DLG1: variants seen among roughly 807,000 people sequenced by gnomAD.
DLG1 encodes discs large MAGUK scaffold protein 1, also known as disks large homolog 1.
In DLG1, 42 loss-of-function variants were observed where a neutral mutation model predicts 123.4. The observed-to-expected ratio is 0.34, with a 90% CI of 0.27 to 0.44. DLG1 has a LOEUF of 0.44. Ranked by LOEUF, DLG1 falls within the 20% of genes least tolerant of loss-of-function variation. The pLI, the probability that DLG1 is intolerant of heterozygous loss-of-function variation, is 1.00. For missense variants in DLG1, 942 were observed against 1,082.6 expected, an observed-to-expected ratio of 0.87 and a Z score of 1.82; for synonymous variants, 317 against 356.2, an observed-to-expected ratio of 0.89 and a Z score of 1.24.
At chr3:197,069,556 G>C (rs1219789937) in intron 18 of DLG1, 1 of 213,172 alleles carries the variant, frequency 4.7e-6, no homozygotes, top group Non-Finnish European at 9.1e-6. Context: ...TAGTCCAAAT[G>C]TAGACATAAA....
At chr3:197,093,713 T>C (rs1309685265) in intron 14 of DLG1, among the ~76,000 whole-genome samples, 1 of 152,202 alleles carries the variant, frequency 6.6e-6, no homozygotes, top group Non-Finnish European at 1.5e-5. Flanking sequence ...ACTTTTGATA[T>C]AACTGAAATT....
intron 14 of DLG1, among the ~76,000 whole-genome samples, chr3:197,103,718 T>C (rs1764796038): frequency 6.7e-6 from 1 of 150,320 alleles, no homozygotes; most frequent in Non-Finnish European, 1.5e-5. Flanking sequence ...ACATGCTGCT[T>C]TGATCAGCTA....
intron 13 of DLG1, among the ~76,000 whole-genome samples, chr3:197,111,727 GCAC>G (rs904558003): frequency 2.0e-5 from 3 of 152,168 alleles, no homozygotes; most frequent in Non-Finnish European, 4.4e-5. Context: ...CTGACTTACA[GCAC>G]CACAAGTTAG....
intron 23 of DLG1, among the ~76,000 whole-genome samples, chr3:197,052,522 T>C (rs185168543): frequency 8.3e-4 from 127 of 152,280 alleles, no homozygotes; most frequent in African/African-American, 2.8e-3. Context: ...AGTCACTGAA[T>C]ATGTTGCTGT....
intron 2 of DLG1, 200 bp downstream of exon 2, chr3:197,296,986 G>T: frequency 1.6e-6 from 1 of 612,490 alleles, no homozygotes; most frequent in East Asian, 3.3e-5. Context: ...TTAATCACTA[G>T]AGAAATGTTA....
At chr3:197,297,582 TG>T in intron 1 of DLG1, 2 of 1,031,698 alleles carry the variant, frequency 1.9e-6, no homozygotes, top group Non-Finnish European at 2.3e-6. Context: ...CTCCGACCCT[TG>T]GCCCCTGAGC....
At chr3:197,150,522 T>C (rs944938957) in intron 5 of DLG1, among the ~76,000 whole-genome samples, 2 of 152,114 alleles carry the variant, frequency 1.3e-5, no homozygotes, top group African/African-American at 2.4e-5. Context: ...AAAAATCTGA[T>C]GTAATTCCCC....
chr3:197,139,728 C>T (rs1299379423), intron 8 of DLG1, among the ~76,000 whole-genome samples: 1 of 152,064 alleles, frequency 6.6e-6, no homozygotes, highest in Non-Finnish European at 1.5e-5. Flanking sequence ...AGTTTATATA[C>T]ATGTTTCCCA....
intron 17 of DLG1, 117 bp from the exon 18 acceptor site, chr3:197,076,802 T>C: frequency 7.7e-6 from 4 of 518,944 alleles, no homozygotes; most frequent in Non-Finnish European, 1.4e-5. Flanking sequence ...AGTTTGTATA[T>C]GATTTTTACT....
rs1024437874 is a variant in DLG1 at position 197,296,654 on chromosome 3, T to A, written c.20-177A>T. The A allele has an allele frequency of 6.2e-5, 30 of 486,348 alleles. 1 individual carries two copies. The highest frequency in any genetic ancestry group is 8.3e-5 in the South Asian group (2 of 24,230). The allele number at this position is 486,348 out of a possible 1,614,324, so 30.1% of individuals were successfully genotyped here. A position where few individuals can be genotyped will look rare whatever the true frequency, so the allele number is the denominator to read the frequency against. ...AATGACCAAAAAATAAAAAAAAAAA[T>A]TAAAGAAATACAAGAAAAATTTAAA... On this transcript the variant is annotated intron_variant, in intron 2 of 24. Coordinates refer to ENST00000667157, the MANE Select transcript of DLG1 (RefSeq NM_001366207.1).
chr3:197,108,676 G>C (rs980445240), intron 13 of DLG1, among the ~76,000 whole-genome samples: 15 of 152,078 alleles, frequency 9.9e-5, no homozygotes, highest in African/African-American at 2.7e-4. Context: ...TATTAGTACA[G>C]CCACAGTAGG....
At chr3:197,062,974 G>A (rs535160249) in intron 22 of DLG1, among the ~76,000 whole-genome samples, 1 of 151,872 alleles carries the variant, frequency 6.6e-6, no homozygotes, top group Non-Finnish European at 1.5e-5. Context: ...CATTGTATTA[G>A]TTTATTTGCT....
intron 14 of DLG1, among the ~76,000 whole-genome samples, chr3:197,102,434 CAG>C (rs1465596279): frequency 6.6e-6 from 1 of 152,196 alleles, no homozygotes; most frequent in East Asian, 1.9e-4. Context: ...TGCTGATTAT[CAG>C]AGTGTCGGAT....
At chr3:197,112,848 A>G (rs1770880123) in intron 13 of DLG1, among the ~76,000 whole-genome samples, 1 of 152,162 alleles carries the variant, frequency 6.6e-6, no homozygotes, top group African/African-American at 2.4e-5. Flanking sequence ...CACCTGCCTC[A>G]GCCTCCTGAG....
intron 2 of DLG1, 136 bp from the exon 3 acceptor site, chr3:197,296,613 T>C: frequency 4.2e-6 from 3 of 706,856 alleles, no homozygotes; most frequent in Middle Eastern, 2.7e-4. Context: ...TATGTTCATG[T>C]ACACATATTC....
At chr3:197,095,815 A>G (rs1760336154) in intron 14 of DLG1, among the ~76,000 whole-genome samples, 1 of 152,198 alleles carries the variant, frequency 6.6e-6, no homozygotes, top group South Asian at 2.1e-4. Context: ...ATAATCTGCC[A>G]TTATTATCAC....
At chr3:197,259,217 TA>T (rs2150944139) in intron 4 of DLG1, among the ~76,000 whole-genome samples, 1 of 152,274 alleles carries the variant, frequency 6.6e-6, no homozygotes, top group South Asian at 2.1e-4. Context: ...ATGTGCCCTT[TA>T]AACATTCAGT....
chr3:197,244,703 T>G (rs1390439001), intron 4 of DLG1, among the ~76,000 whole-genome samples: 2 of 151,894 alleles, frequency 1.3e-5, no homozygotes, highest in Non-Finnish European at 1.5e-5. Context: ...TCTGCATTTT[T>G]TTGTTGTTGT....
At chr3:197,064,549 A>ATT (rs1458205548) in intron 22 of DLG1, among the ~76,000 whole-genome samples, 1 of 152,080 alleles carries the variant, frequency 6.6e-6, no homozygotes, top group East Asian at 1.9e-4. Flanking sequence ...TACAAAGGCC[A>ATT]TTTTATATCT....
Sources: gnomAD v4.1 joint callset for allele counts (sites outside exome capture counted in the v4.1 genomes callset) on GRCh38, gnomAD v4.1.1 for gene constraint, MANE v1.5 for transcripts, NCBI Gene and HGNC (gene_info 2026-07-23, HGNC 2026-07-21) for gene names.